The following DNAJC3 variants were observed in gnomAD, a reference collection of about 807,000 sequenced individuals.
The protein encoded by DNAJC3 is dnaJ homolog subfamily C member 3.
Under a neutral mutation model 68.6 loss-of-function variants are expected in DNAJC3, and 38 were observed. The ratio of observed to expected loss-of-function variants is 0.55; its 90% CI spans 0.43 to 0.73. DNAJC3 has a LOEUF of 0.73. Ranked by LOEUF, DNAJC3 falls within the 30% of genes least tolerant of loss-of-function variation. The probability of loss-of-function intolerance (pLI) is 0.00; values close to 1 mark genes in which losing one functional copy is unlikely to be tolerated. For missense variants in DNAJC3, 526 were observed against 591.9 expected (o/e 0.89, Z 1.16); for synonymous variants, 203 against 204.0 (o/e 1.00, Z 0.04).
chr13:95,764,086 G>A, intron 9 of DNAJC3, 133 bp downstream of exon 9: 1 of 1,379,826 alleles, frequency 7.2e-7, no homozygotes, highest in Non-Finnish European at 9.7e-7. Flanking sequence ...AAATGGCAGA[G>A]AACTTGAAAA....
At chr13:95,779,257 G>A (rs2139691282) in intron 9 of DNAJC3, among the ~76,000 whole-genome samples, 1 of 151,102 alleles carries the variant, frequency 6.6e-6, no homozygotes, top group Admixed American at 6.6e-5. Context: ...CTGAGTAGCT[G>A]GGACTACAGG....
intron 1 of DNAJC3, chr13:95,694,898 A>G (rs976436765): frequency 2.0e-5 from 3 of 152,654 alleles, no homozygotes; most frequent in Non-Finnish European, 4.4e-5. Context: ...TTATGTCCCT[A>G]GAAACCTGAA....
chr13:95,716,997 A>G (rs548663958), intron 2 of DNAJC3, among the ~76,000 whole-genome samples: 1 of 152,050 alleles, frequency 6.6e-6, no homozygotes, highest in Non-Finnish European at 1.5e-5. Context: ...CCCCTCCCAT[A>G]TCAATAGGAT....
At position 95,690,919 on chromosome 13, in the gene DNAJC3, T is replaced by C. The variant is rs1202430516; in HGVS notation, c.82+13582T>C. 2.2e-4 allele frequency among the ~76,000 whole-genome samples: 26 copies of C among 119,216 alleles called. 1 individual carries two copies. The South Asian group carries it at 7.8e-3, about 36-fold the overall frequency. The allele number at this position is 119,216 out of a possible 152,430, so 78.2% of individuals were successfully genotyped here. A position where few individuals can be genotyped will look rare whatever the true frequency, so the allele number is the denominator to read the frequency against. Reference sequence around the variant, plus strand: ...CGGGGCGGCTGGCCGGGCGGGGGGCTGACCCCCCCCACCTCCCTCCCGGAC... The same window carrying C: ...CGGGGCGGCTGGCCGGGCGGGGGGCCGACCCCCCCCACCTCCCTCCCGGAC... On this transcript the variant is annotated intron_variant, in intron 1 of 11. Coordinates refer to ENST00000602402, the MANE Select transcript of DNAJC3 (RefSeq NM_006260.5).
intron 1 of DNAJC3, among the ~76,000 whole-genome samples, chr13:95,688,647 G>T (rs1880133208): frequency 6.6e-6 from 1 of 151,884 alleles, no homozygotes; most frequent in Non-Finnish European, 1.5e-5. Flanking sequence ...CCTGGGGCTG[G>T]GGTTACAGGC....
intron 2 of DNAJC3, among the ~76,000 whole-genome samples, chr13:95,715,612 C>T (rs1353167373): frequency 2.6e-5 from 4 of 151,694 alleles, no homozygotes; most frequent in Non-Finnish European, 4.4e-5. Flanking sequence ...CTGAGCAGCC[C>T]GAGCAGCTAG....
At chr13:95,743,530 G>A (rs1222382852) in intron 4 of DNAJC3, among the ~76,000 whole-genome samples, 2 of 152,162 alleles carry the variant, frequency 1.3e-5, no homozygotes, top group Non-Finnish European at 2.9e-5. Flanking sequence ...TGAAAGTATG[G>A]AGACAGCCTC....
intron 4 of DNAJC3, among the ~76,000 whole-genome samples, chr13:95,752,600 G>A (rs1226304525): frequency 3.3e-5 from 5 of 152,090 alleles, no homozygotes; most frequent in Non-Finnish European, 2.9e-5. Context: ...CTCCACTCGC[G>A]ATTATATAGG....
At chr13:95,731,149 G>C (rs970478012) in intron 4 of DNAJC3, among the ~76,000 whole-genome samples, 1 of 151,756 alleles carries the variant, frequency 6.6e-6, no homozygotes, top group Non-Finnish European at 1.5e-5. Flanking sequence ...TGTTGATTTA[G>C]TATCCTGCAC....
chr13:95,760,276 ACCT>A lies in DNAJC3; in HGVS notation c.728+57_728+59del, dbSNP rs1882783998. 5.1e-6 allele frequency: 7 copies of A among 1,384,716 alleles called. No homozygotes were observed. The South Asian group carries it at 1.2e-4, about 23-fold the overall frequency. The allele number at this position is 1,384,716 out of a possible 1,614,324, so 85.8% of individuals were successfully genotyped here. Reference sequence around the variant, plus strand: ...TTTTTTAATTGTTGGCAGTAAGATTACCTCATCTTGTTTTAACATTTTAATATT... The same window carrying A: ...TTTTTTAATTGTTGGCAGTAAGATTACATCTTGTTTTAACATTTTAATATT... On this transcript the variant is annotated intron_variant, in intron 6 of 11. Coordinates refer to ENST00000602402, the MANE Select transcript of DNAJC3 (RefSeq NM_006260.5).
intron 4 of DNAJC3, among the ~76,000 whole-genome samples, chr13:95,743,638 A>G (rs1593997654): frequency 6.6e-6 from 1 of 151,786 alleles, no homozygotes; most frequent in African/African-American, 2.4e-5. Flanking sequence ...GCCCACTGCA[A>G]CCTCTGCCTC....
intron 9 of DNAJC3, among the ~76,000 whole-genome samples, chr13:95,779,441 T>C (rs566941993): frequency 1.3e-5 from 2 of 152,284 alleles, no homozygotes; most frequent in Non-Finnish European, 2.9e-5. Flanking sequence ...TTCAATTATA[T>C]AGTTAAGAAT....
At chr13:95,685,905 C>T (rs966726792) in intron 1 of DNAJC3, among the ~76,000 whole-genome samples, 49 of 151,310 alleles carry the variant, frequency 3.2e-4, no homozygotes, top group African/African-American at 9.7e-4. Context: ...AACATTTTTT[C>T]ATGTTTGTTG....
At chr13:95,732,786 T>A (rs9584318) in intron 4 of DNAJC3, among the ~76,000 whole-genome samples, 12,621 of 151,950 alleles carry the variant, frequency 0.083, 720 homozygotes, top group African/African-American at 0.16. Flanking sequence ...TCTTTTTTTT[T>A]ATATATGTGT....
At chr13:95,704,705 C>T (rs1434952578) in intron 1 of DNAJC3, among the ~76,000 whole-genome samples, 1 of 152,124 alleles carries the variant, frequency 6.6e-6, no homozygotes, top group Non-Finnish European at 1.5e-5. Context: ...CAATCTGCCA[C>T]TAGGTGGCCA....
chr13:95,784,904 G>C (rs1053261229), intron 9 of DNAJC3, among the ~76,000 whole-genome samples: 16 of 152,214 alleles, frequency 1.1e-4, no homozygotes, highest in African/African-American at 3.6e-4. Flanking sequence ...GTGCCTGGGA[G>C]GTCGAGGATG....
intron 1 of DNAJC3, among the ~76,000 whole-genome samples, chr13:95,689,540 G>C (rs1433253982): frequency 6.6e-6 from 1 of 151,596 alleles, no homozygotes; most frequent in Non-Finnish European, 1.5e-5. Flanking sequence ...TCCTTTCAAA[G>C]AAGTTTTTGT....
At chr13:95,732,290 T>A (rs1881740095) in intron 4 of DNAJC3, among the ~76,000 whole-genome samples, 1 of 152,302 alleles carries the variant, frequency 6.6e-6, no homozygotes, top group Non-Finnish European at 1.5e-5. Context: ...AATTTGGCAA[T>A]GAATCCATCC....
Position 95,763,854 on chromosome 13 carries a change from A to G in DNAJC3, c.976A>G (p.Ile326Val), listed in dbSNP as rs769032560. 3.1e-6 allele frequency: 5 copies of G among 1,613,944 alleles called. No homozygotes were observed. The East Asian group carries it at 8.9e-5, about 29-fold the overall frequency. Residue 326 changes from isoleucine to valine, a missense_variant, in exon 9 of 12, where the codon ATT becomes GTT. Coordinates refer to ENST00000602402, the MANE Select transcript of DNAJC3 (RefSeq NM_006260.5). ...TTAGGACGAGAAGCCTGTTGAAGCT[A>G]TTAGGGTTTGTTCTGAAGTTTTACA... ...FSKDEKPVEA[I>V]RVCSEVLQME...
Sources: gnomAD v4.1 joint callset for allele counts (sites outside exome capture counted in the v4.1 genomes callset) on GRCh38, gnomAD v4.1.1 for gene constraint, MANE v1.5 for transcripts, NCBI Gene and HGNC (gene_info 2026-07-23, HGNC 2026-07-21) for gene names.